Variants in SENP5 observed in about 807,000 individuals in gnomAD.
SENP5 encodes SUMO specific peptidase 5, also known as sentrin-specific protease 5.
In SENP5, 21 loss-of-function variants were observed where a neutral mutation model predicts 74.2. The observed-to-expected ratio is 0.28, with a 90% CI of 0.20 to 0.41. SENP5 has a LOEUF of 0.41. SENP5 is among the 10% of genes least tolerant of loss of function. SENP5 has a pLI of 1.00. For missense variants in SENP5, 717 were observed against 889.1 expected (o/e 0.81, Z 2.46); for synonymous variants, 311 against 312.7 (o/e 0.99, Z 0.06).
intron 2 of SENP5, among the ~76,000 whole-genome samples, chr3:196,895,148 T>C (rs1329180278): frequency 6.6e-6 from 1 of 151,958 alleles, no homozygotes; most frequent in Admixed American, 6.6e-5. Flanking sequence ...AAACGAAAAC[T>C]GTCCAGTGCC....
At chr3:196,886,746 G>C in intron 2 of SENP5, 52 bp downstream of exon 2, 1 of 1,408,192 alleles carries the variant, frequency 7.1e-7, no homozygotes, top group Non-Finnish European at 9.5e-7. Context: ...CATTTGCTGT[G>C]CATTATCCTT....
At chr3:196,896,779 CTT>C (rs1182247961) in intron 2 of SENP5, among the ~76,000 whole-genome samples, 2 of 152,092 alleles carry the variant, frequency 1.3e-5, no homozygotes, top group African/African-American at 4.8e-5. Context: ...GGGATACTAT[CTT>C]AACACCCAGG....
chr3:196,883,726 T>C (rs1293280321), intron 1 of SENP5, among the ~76,000 whole-genome samples: 1 of 151,984 alleles, frequency 6.6e-6, no homozygotes, highest in Non-Finnish European at 1.5e-5. Context: ...TTCACTCTTG[T>C]CTCCCAGGCT....
At chr3:196,868,181 C>T (rs1713013559) in intron 1 of SENP5, 108 bp downstream of exon 1, 1 of 152,254 alleles carries the variant, frequency 6.6e-6, no homozygotes. Flanking sequence ...GTCCGGAGGC[C>T]TCGAGCCGCC....
chr3:196,874,291 C>A (rs1213807794), intron 1 of SENP5, among the ~76,000 whole-genome samples: 1 of 141,946 alleles, frequency 7.0e-6, no homozygotes, highest in Non-Finnish European at 1.5e-5. Context: ...ATAAGAATCT[C>A]CACTAAAAAA....
intron 6 of SENP5, among the ~76,000 whole-genome samples, chr3:196,907,387 C>T (rs921784410): frequency 2.0e-5 from 3 of 148,164 alleles, no homozygotes; most frequent in Admixed American, 6.9e-5. Context: ...ACCCAGGAGG[C>T]GGAGCTTGCA....
At chr3:196,923,616 A>G (rs1715706416) in intron 7 of SENP5, 65 bp downstream of exon 7, 2 of 1,104,172 alleles carry the variant, frequency 1.8e-6, no homozygotes, top group Non-Finnish European at 2.7e-6. Flanking sequence ...TCTTAGCTCT[A>G]GATAGAACAG....
intron 6 of SENP5, among the ~76,000 whole-genome samples, chr3:196,912,244 T>A (rs1169724503): frequency 1.3e-5 from 2 of 152,096 alleles, no homozygotes; most frequent in East Asian, 3.9e-4. Flanking sequence ...ATGCAGCCAT[T>A]TAAAGAATGA....
intron 6 of SENP5, chr3:196,914,578 A>ATATATATATATATATACATAT (rs1553825306): frequency 1.4e-5 from 1 of 72,800 alleles, no homozygotes; most frequent in African/African-American, 6.0e-5. Context: ...AAAAAAAAAA[A>ATATATATATATATATACATAT]AAAAAAAAAT....
chr3:196,916,537 T>TC (rs1183736719), intron 6 of SENP5, among the ~76,000 whole-genome samples: 2 of 151,680 alleles, frequency 1.3e-5, no homozygotes, highest in Non-Finnish European at 2.9e-5. Flanking sequence ...CTTTTTTTTT[T>TC]TTTTTTAAAG....
At chr3:196,898,894 A>C (rs9713204) in intron 2 of SENP5, among the ~76,000 whole-genome samples, 2 of 151,872 alleles carry the variant, frequency 1.3e-5, no homozygotes, top group African/African-American at 4.8e-5. Flanking sequence ...CCATTTGATG[A>C]TGATTCCATT....
At chr3:196,915,166 A>G (rs1022421461) in intron 6 of SENP5, among the ~76,000 whole-genome samples, 4 of 152,196 alleles carry the variant, frequency 2.6e-5, no homozygotes, top group Non-Finnish European at 5.9e-5. Context: ...GTCAGGCCAC[A>G]GGACTGCATT....
chr3:196,927,898 TG>T lies in SENP5; in HGVS notation c.2106+20del, dbSNP rs751329640. The T allele has an allele frequency of 6.6e-7, 1 of 1,507,670 alleles. No individual in the cohort carries two copies. Among genetic ancestry groups the T allele is most frequent in the Admixed American group, 1.7e-5 (1 of 59,670 alleles). The allele number at this position is 1,507,670 out of a possible 1,614,324, so 93.4% of individuals were successfully genotyped here. Reference sequence around the variant, plus strand: ...TACGAAGGTAAGTATGTGATAACAATGAAACCCAGGCATGTCCAGGGGATGG... The same window carrying T: ...TACGAAGGTAAGTATGTGATAACAATAAACCCAGGCATGTCCAGGGGATGG... On this transcript the variant is annotated intron_variant, in intron 8 of 9. Transcript: ENST00000323460.
intron 6 of SENP5, among the ~76,000 whole-genome samples, chr3:196,916,257 G>T (rs1429448254): frequency 6.6e-6 from 1 of 151,978 alleles, no homozygotes; most frequent in Non-Finnish European, 1.5e-5. Flanking sequence ...AACTTGAGAG[G>T]TGGAGGTTGC....
chr3:196,868,634 T>G (rs1263672721), intron 1 of SENP5, among the ~76,000 whole-genome samples: 1 of 152,206 alleles, frequency 6.6e-6, no homozygotes, highest in Non-Finnish European at 1.5e-5. Flanking sequence ...GTGGGAGTTT[T>G]GGACTTAGAG....
chr3:196,907,909 C>G (rs1248423736), intron 6 of SENP5, among the ~76,000 whole-genome samples: 1 of 149,564 alleles, frequency 6.7e-6, no homozygotes, highest in Non-Finnish European at 1.5e-5. Context: ...AAAAAAAAAC[C>G]CAGGTTTATG....
chr3:196,882,006 C>T (rs1052138288), intron 1 of SENP5, among the ~76,000 whole-genome samples: 6 of 149,916 alleles, frequency 4.0e-5, no homozygotes, highest in African/African-American at 1.2e-4. Flanking sequence ...AAGCAATTCT[C>T]GTGTCTCAGC....
intron 6 of SENP5, among the ~76,000 whole-genome samples, chr3:196,908,911 G>C (rs13076059): frequency 0.14 from 21,213 of 152,008 alleles, 2,042 homozygotes; most frequent in Admixed American, 0.19. Context: ...AAATAACTAA[G>C]ATCAGAGCAG....
chr3:196,923,534 TTTAAG>T lies in SENP5; in HGVS notation c.2008_2012del (p.Lys670LeufsTer12). The T allele has an allele frequency of 1.2e-6, 2 of 1,607,324 alleles. No homozygotes were observed. Among genetic ancestry groups the T allele is most frequent in the Non-Finnish European group, 8.5e-7 (1 of 1,176,372 alleles). ...ATTTTATGATTCCCAAGGCATTCAT[TTTAAG>T]TTTTGTGTAGAGGTAAGTTAATATA... On this transcript the variant is annotated frameshift_variant, in exon 7 of 10. Coordinates refer to ENST00000323460, the MANE Select transcript of SENP5 (RefSeq NM_152699.5). LOFTEE classifies it high-confidence loss of function.
Sources: gnomAD v4.1 joint callset for allele counts (sites outside exome capture counted in the v4.1 genomes callset) on GRCh38, gnomAD v4.1.1 for gene constraint, MANE v1.5 for transcripts, NCBI Gene and HGNC (gene_info 2026-07-23, HGNC 2026-07-21) for gene names.